Variants in RAB6A observed in about 807,000 individuals in gnomAD.
RAB6A encodes the protein ras-related protein Rab-6A.
Under a neutral mutation model 32.3 loss-of-function variants are expected in RAB6A, and 8 were observed. The ratio of observed to expected loss-of-function variants is 0.25; its 90% CI spans 0.15 to 0.45. The LOEUF (loss-of-function observed/expected upper bound fraction) is 0.45, where lower values mean the gene tolerates loss of function less well. Ranked by LOEUF, RAB6A falls within the 20% of genes least tolerant of loss-of-function variation. The pLI is 1.00. For missense variants in RAB6A, 104 were observed against 249.4 expected (o/e 0.42, Z 3.93); for synonymous variants, 73 against 82.1 (o/e 0.89, Z 0.60).
intron 6 of RAB6A, among the ~76,000 whole-genome samples, chr11:73,706,241 C>T (rs933705484): frequency 2.0e-5 from 3 of 152,048 alleles, no homozygotes; most frequent in Non-Finnish European, 2.9e-5. Flanking sequence ...CTAGGCCGGG[C>T]GTGGTGGCTC....
rs147206427 is a variant in RAB6A, at chr11:73,724,109, A to G, written c.130-3210T>C. ...CATTTCTCATTCACTTTGCCTTAATATGGGATTACTGCATATAGGCTGCAG... is the reference window on the plus strand; with the variant it reads ...CATTTCTCATTCACTTTGCCTTAATGTGGGATTACTGCATATAGGCTGCAG... On this transcript the variant is annotated intron_variant, in intron 2 of 7. Transcript: ENST00000336083. 6.8e-4 allele frequency among the ~76,000 whole-genome samples: 103 copies of G among 152,346 alleles called. 2 individuals are homozygous for G. In the East Asian group the frequency reaches 0.014, roughly 21 times the overall value.
At chr11:73,679,811 G>A (rs558663106) in intron 6 of RAB6A, 91 bp from the exon 7 acceptor site, 24 of 1,537,080 alleles carry the variant, frequency 1.6e-5, no homozygotes, top group East Asian at 2.3e-5. Flanking sequence ...GCTGTCTAAT[G>A]CTGGGCGCAG....
rs558612740 is a variant in RAB6A at position 73,675,727 on chromosome 11, C to T, written c.*2171G>A. The T allele has an allele frequency of 6.2e-6, 1 of 160,042 alleles. No individual in the cohort carries two copies. The highest frequency in any genetic ancestry group is 2.1e-4 in the South Asian group (1 of 4,814). 9.9% of individuals were successfully genotyped at this position (160,042 alleles called of 1,614,324 possible). On this transcript the variant is annotated 3_prime_UTR_variant, in exon 8 of 8. Transcript: ENST00000336083. ...CCTGGACTATGAACACACTTCAATG[C>T]TTTGAAGAACTCCAAGCCAAATAAA...
intron 1 of RAB6A, among the ~76,000 whole-genome samples, chr11:73,736,809 GA>G (rs756237159): frequency 8.3e-5 from 9 of 108,776 alleles, no homozygotes; most frequent in African/African-American, 3.0e-4. Context: ...AAAAAAAAAA[GA>G]AAAAAAAAAA....
At chr11:73,683,766 T>C (rs1390105583) in intron 6 of RAB6A, among the ~76,000 whole-genome samples, 2 of 152,090 alleles carry the variant, frequency 1.3e-5, no homozygotes, top group East Asian at 3.9e-4. Flanking sequence ...TTGGCCGGGC[T>C]AGTCTTAAAC....
At chr11:73,748,655 T>G (rs1440842740) in intron 1 of RAB6A, among the ~76,000 whole-genome samples, 1 of 152,218 alleles carries the variant, frequency 6.6e-6, no homozygotes, top group Non-Finnish European at 1.5e-5. Flanking sequence ...AGTCTCCGTA[T>G]TTTTCTATAC....
chr11:73,718,078 A>G (rs1946077719), intron 4 of RAB6A, among the ~76,000 whole-genome samples: 1 of 152,240 alleles, frequency 6.6e-6, no homozygotes, highest in South Asian at 2.1e-4. Context: ...AAAGTAAATA[A>G]ATCAGTCACA....
chr11:73,676,456 C>T lies in RAB6A; in HGVS notation c.*1442G>A, dbSNP rs768815494. The T allele has an allele frequency of 2.5e-5, 4 of 160,228 alleles. No individual in the cohort carries two copies. The highest frequency in any genetic ancestry group is 2.2e-4 in the South Asian group (1 of 4,634). The allele number at this position is 160,228 out of a possible 1,614,324, so 9.9% of individuals were successfully genotyped here. On this transcript the variant is annotated 3_prime_UTR_variant, in exon 8 of 8. Transcript: ENST00000336083. ...ATGGTGAAGCTCTAAATAGATTCAA[C>T]GAAACATCTGAAGATTGAAAGTTGT...
At chr11:73,698,781 C>T (rs759735430) in intron 6 of RAB6A, among the ~76,000 whole-genome samples, 56 of 151,872 alleles carry the variant, frequency 3.7e-4, no homozygotes, top group Non-Finnish European at 1.8e-4. Flanking sequence ...TTTTCTTCTT[C>T]CTAGAAGCAT....
intron 2 of RAB6A, among the ~76,000 whole-genome samples, chr11:73,721,873 G>C (rs1328254922): frequency 6.6e-6 from 1 of 152,104 alleles, no homozygotes; most frequent in Non-Finnish European, 1.5e-5. Flanking sequence ...AACTAGATCA[G>C]AAAAGTGGTC....
At chr11:73,716,157 G>A in intron 5 of RAB6A, 94 bp downstream of exon 5, 1 of 931,172 alleles carries the variant, frequency 1.1e-6, no homozygotes, top group African/African-American at 1.6e-5. Context: ...TAAGGATTAA[G>A]CATGTCTCCT....
chr11:73,704,790 A>G (rs11828393), intron 6 of RAB6A, among the ~76,000 whole-genome samples: 3,190 of 152,046 alleles, frequency 0.021, 114 homozygotes, highest in African/African-American at 0.072. Flanking sequence ...AGGTCAGGAG[A>G]TCGAGACCAT....
chr11:73,758,008 A>T (rs1946787559), intron 1 of RAB6A, among the ~76,000 whole-genome samples: 1 of 152,262 alleles, frequency 6.6e-6, no homozygotes, highest in African/African-American at 2.4e-5. Context: ...AAATGTGGTA[A>T]ATGCTATTAA....
At chr11:73,693,244 C>T (rs868019093) in intron 6 of RAB6A, among the ~76,000 whole-genome samples, 4 of 151,888 alleles carry the variant, frequency 2.6e-5, no homozygotes, top group South Asian at 2.1e-4. Flanking sequence ...GCTGCGATCA[C>T]GCCACTGTAC....
chr11:73,747,539 C>G (rs1397984451), intron 1 of RAB6A, among the ~76,000 whole-genome samples: 2 of 149,598 alleles, frequency 1.3e-5, no homozygotes, highest in African/African-American at 2.5e-5. Flanking sequence ...AACCACAGCA[C>G]AATTATCAAA....
At chr11:73,724,532 C>T (rs1946188158) in intron 2 of RAB6A, among the ~76,000 whole-genome samples, 1 of 144,318 alleles carries the variant, frequency 6.9e-6, no homozygotes, top group South Asian at 2.3e-4. Context: ...GTCACCCAGG[C>T]TGGAGTGCAG....
intron 1 of RAB6A, 43 bp downstream of exon 1, chr11:73,760,523 A>T (rs1305466225): frequency 6.4e-7 from 1 of 1,562,102 alleles, no homozygotes; most frequent in Non-Finnish European, 8.7e-7. Flanking sequence ...CGGTGCGGGG[A>T]CGCTGCGGCC....
At chr11:73,730,038 T>C (rs916603878) in intron 2 of RAB6A, 10 of 152,344 alleles carry the variant, frequency 6.6e-5, no homozygotes, top group African/African-American at 2.4e-4. Context: ...CATGCCCTCT[T>C]CTCTTGGGAT....
chr11:73,680,286 A>G (rs1182814105), intron 6 of RAB6A, among the ~76,000 whole-genome samples: 4 of 152,220 alleles, frequency 2.6e-5, no homozygotes, highest in African/African-American at 9.6e-5. Flanking sequence ...ATAATAAAGT[A>G]TTACAGAAAC....
Sources: allele counts gnomAD v4.1 joint callset (sites outside exome capture counted in the v4.1 genomes callset), GRCh38; gene constraint gnomAD v4.1.1; transcripts MANE v1.5; gene names NCBI Gene and HGNC (gene_info 2026-07-23, HGNC 2026-07-21).